SYK: variants seen among roughly 807,000 people sequenced by gnomAD.
SYK encodes the protein spleen associated tyrosine kinase.
SYK carries 16 observed loss-of-function variants against 77.8 expected under a neutral mutation model. The observed-to-expected ratio is 0.21, with a 90% CI of 0.14 to 0.31. SYK has a LOEUF of 0.31. Ranked by LOEUF, SYK falls within the 10% of genes least tolerant of loss-of-function variation. The pLI, the probability that SYK is intolerant of heterozygous loss-of-function variation, is 1.00. For synonymous variants in SYK, 312 were observed against 308.7 expected, an observed-to-expected ratio of 1.01 and a Z score of -0.11; for missense variants, 529 against 814.4, an observed-to-expected ratio of 0.65 and a Z score of 4.26.
intron 1 of SYK, among the ~76,000 whole-genome samples, chr9:90,826,225 C>G (rs1825661764): frequency 6.6e-6 from 1 of 152,266 alleles, no homozygotes; most frequent in Non-Finnish European, 1.5e-5. Flanking sequence ...CCACCACATA[C>G]TGTGTGTTCT....
At chr9:90,859,231 G>A (rs1199025119) in intron 3 of SYK, among the ~76,000 whole-genome samples, 2 of 152,310 alleles carry the variant, frequency 1.3e-5, no homozygotes, top group African/African-American at 4.8e-5. Flanking sequence ...CATCTGTACA[G>A]CTGGCCTCCT....
chr9:90,818,778 T>G (rs1252766214), intron 1 of SYK, among the ~76,000 whole-genome samples: 1 of 152,252 alleles, frequency 6.6e-6, no homozygotes. Context: ...GAGAGTAATC[T>G]GCTCAAGGCT....
chr9:90,853,191 A>G (rs1222385335), intron 3 of SYK, among the ~76,000 whole-genome samples: 2 of 149,400 alleles, frequency 1.3e-5, no homozygotes, highest in Non-Finnish European at 3.0e-5. Context: ...AGGAGGGACA[A>G]CATGGTTCAT....
rs1178555478 is a variant in SYK at position 90,895,038 on chromosome 9, G to A, written c.1836-490G>A. Among the ~76,000 whole-genome samples the A allele has an allele frequency of 6.6e-6, 1 of 152,192 alleles. No homozygotes were observed. Among genetic ancestry groups the A allele is most frequent in the African/African-American group, 2.4e-5 (1 of 41,442 alleles). Reference sequence around the variant, plus strand: ...AATCCAGAGCCATCGATTAGAGCGTGGAAAGGGAGAATTAAAGTTATGTTC... The same window carrying A: ...AATCCAGAGCCATCGATTAGAGCGTAGAAAGGGAGAATTAAAGTTATGTTC... On this transcript the variant is annotated intron_variant, in intron 13 of 13. Coordinates refer to ENST00000375754, the MANE Select transcript of SYK (RefSeq NM_003177.7). The surrounding 1 kb of genome is among the most constrained non-coding windows in gnomAD (Gnocchi z 4.4).
chr9:90,821,121 C>T (rs922456234), intron 1 of SYK, among the ~76,000 whole-genome samples: 3 of 152,120 alleles, frequency 2.0e-5, no homozygotes, highest in South Asian at 2.1e-4. Context: ...TTGTTAATAT[C>T]GTTATTAGCA....
At position 90,879,153 on chromosome 9, in the gene SYK, A is replaced by C. The variant is rs192802613; in HGVS notation, c.1581+200A>C. 1.5e-4 allele frequency among the ~76,000 whole-genome samples: 23 copies of C among 152,348 alleles called. 1 individual carries two copies. In the East Asian group the frequency reaches 3.3e-3, roughly 22 times the overall value. On this transcript the variant is annotated intron_variant, in intron 11 of 13. Coordinates refer to ENST00000375754, the MANE Select transcript of SYK (RefSeq NM_003177.7). ...AATATCACACCTTGAGATTTACTCA[A>C]AGTAGTATATTCTAAATTATGTTTC...
At chr9:90,840,161 C>T (rs969354837) in intron 1 of SYK, among the ~76,000 whole-genome samples, 3 of 152,108 alleles carry the variant, frequency 2.0e-5, no homozygotes, top group African/African-American at 4.8e-5. Context: ...GCGGAGGACT[C>T]CTGGGTTCCT....
intron 3 of SYK, among the ~76,000 whole-genome samples, chr9:90,850,189 G>T (rs1026930919): frequency 6.6e-6 from 1 of 152,186 alleles, no homozygotes; most frequent in African/African-American, 2.4e-5. Flanking sequence ...TTCACACTAG[G>T]CTTTTGCTTT....
chr9:90,879,936 C>T lies in SYK; in HGVS notation c.1581+983C>T, dbSNP rs1828085039. ...AGAAGAAAAGATAAGAAAGCTCTAT[C>T]TTCATATTAACTCATCTGTGGTGTA... is the stretch of plus-strand genomic sequence containing the variant. On this transcript the variant is annotated intron_variant, in intron 11 of 13. Transcript: ENST00000375754. 4.6e-5 allele frequency among the ~76,000 whole-genome samples: 7 copies of T among 152,236 alleles called. No homozygotes were observed. In the South Asian group the frequency reaches 1.4e-3, roughly 31 times the overall value.
intron 7 of SYK, among the ~76,000 whole-genome samples, chr9:90,872,809 A>G (rs1270094994): frequency 6.6e-6 from 1 of 152,216 alleles, no homozygotes; most frequent in Non-Finnish European, 1.5e-5. Flanking sequence ...ATTTTTATTG[A>G]GCGTCCTTGT....
intron 6 of SYK, among the ~76,000 whole-genome samples, chr9:90,865,961 C>T (rs560453128): frequency 3.0e-3 from 356 of 119,036 alleles, no homozygotes; most frequent in Non-Finnish European, 4.2e-3. Flanking sequence ...TGCAGTGGCG[C>T]GATCTCAGCT....
chr9:90,843,309 C>T (rs1587849759), intron 1 of SYK, among the ~76,000 whole-genome samples: 1 of 152,210 alleles, frequency 6.6e-6, no homozygotes, highest in East Asian at 1.9e-4. Context: ...CCTCACTTCA[C>T]CTCTGGGGCT....
At chr9:90,849,341 C>T (rs889420900) in intron 3 of SYK, among the ~76,000 whole-genome samples, 13 of 152,202 alleles carry the variant, frequency 8.5e-5, no homozygotes, top group African/African-American at 2.7e-4. Context: ...CCCCACCCAC[C>T]GTGCTTTTAC....
At chr9:90,888,845 G>A (rs1374752665) in intron 13 of SYK, among the ~76,000 whole-genome samples, 1 of 152,242 alleles carries the variant, frequency 6.6e-6, no homozygotes, top group Non-Finnish European at 1.5e-5. Context: ...TTTAGATGGG[G>A]ACTCTAACCC....
intron 1 of SYK, among the ~76,000 whole-genome samples, chr9:90,840,409 A>G (rs570789521): frequency 2.6e-5 from 4 of 152,120 alleles, no homozygotes; most frequent in Admixed American, 6.5e-5. Context: ...GGAGTGGGGG[A>G]AAAGCAGGCT....
At chr9:90,885,889 G>A (rs947458930) in intron 11 of SYK, among the ~76,000 whole-genome samples, 1 of 152,158 alleles carries the variant, frequency 6.6e-6, no homozygotes, top group Non-Finnish European at 1.5e-5. Context: ...TTTTCAAAGT[G>A]CTGAAAGAAA....
rs561682017 is a variant in SYK at position 90,891,524 on chromosome 9, A to G, written c.1835+2897A>G. Among the ~76,000 whole-genome samples the G allele has an allele frequency of 3.7e-4, 57 of 152,018 alleles. 2 individuals carry two copies. In the South Asian group the frequency reaches 0.011, roughly 30 times the overall value. On this transcript the variant is annotated intron_variant, in intron 13 of 13. Coordinates refer to ENST00000375754, the MANE Select transcript of SYK (RefSeq NM_003177.7). ...TTGACACAGCTGCCGGCATTTACCTATGTGAGCTTTTAGCTTGCTTAGCTA... is the reference window on the plus strand; with the variant it reads ...TTGACACAGCTGCCGGCATTTACCTGTGTGAGCTTTTAGCTTGCTTAGCTA...
chr9:90,872,685 G>A (rs1012138469), intron 7 of SYK, among the ~76,000 whole-genome samples: 6 of 152,192 alleles, frequency 3.9e-5, no homozygotes, highest in African/African-American at 1.4e-4. Context: ...CAGCATAAAG[G>A]CTTGAGAGAG....
intron 4 of SYK, among the ~76,000 whole-genome samples, chr9:90,863,330 C>T (rs755223112): frequency 5.3e-5 from 8 of 152,226 alleles, no homozygotes; most frequent in Non-Finnish European, 1.0e-4. Flanking sequence ...ATAATCAGGG[C>T]GTGTTCCAAT....
Sources: gnomAD v4.1 joint callset for allele counts (sites outside exome capture counted in the v4.1 genomes callset) on GRCh38, gnomAD v4.1.1 for gene constraint, Gnocchi (gnomAD v3.1) non-coding constraint, MANE v1.5 for transcripts, NCBI Gene and HGNC (gene_info 2026-07-23, HGNC 2026-07-21) for gene names.